SLC35G2: variants seen among roughly 807,000 people sequenced by gnomAD.
SLC35G2 encodes solute carrier family 35 member G2.
Under a neutral mutation model 27.2 loss-of-function variants are expected in SLC35G2, and 20 were observed. The observed-to-expected ratio is 0.74, with a 90% confidence interval of 0.52 to 1.07. The LOEUF (loss-of-function observed/expected upper bound fraction) is 1.07, where lower values mean the gene tolerates loss of function less well. Ranked by LOEUF, SLC35G2 falls within the 50% of genes least tolerant of loss-of-function variation. The probability of loss-of-function intolerance (pLI) is 0.00; values close to 1 mark genes in which losing one functional copy is unlikely to be tolerated. For synonymous variants in SLC35G2, 148 were observed against 165.3 expected (o/e 0.90, Z 0.80); for missense variants, 416 against 493.3 (o/e 0.84, Z 1.48).
Position 136,820,885 on chromosome 3 carries a change from T to G in SLC35G2, c.-19+1257T>G, listed in dbSNP as rs1576882520. ...TCCAGAACAAAAGTCTAGGAAGATG[T>G]AAAATTGATATTGATACCAAAAAAA... On this transcript the variant is annotated intron_variant, in intron 1 of 1. Coordinates refer to ENST00000446465, the MANE Select transcript of SLC35G2 (RefSeq NM_025246.3). Among the ~76,000 whole-genome samples the G allele has an allele frequency of 2.0e-5, 3 of 152,196 alleles. No individual in the cohort carries two copies. In the South Asian group the frequency reaches 6.2e-4, roughly 32 times the overall value.
At chr3:136,843,576 G>A (rs1178328348) in intron 1 of SLC35G2, among the ~76,000 whole-genome samples, 1 of 152,076 alleles carries the variant, frequency 6.6e-6, no homozygotes, top group Admixed American at 6.6e-5. Context: ...AGCCCAGGAG[G>A]TGGAGGTTGC....
rs751476738 is a variant in SLC35G2, at chr3:136,855,413, G to A, written c.953G>A (p.Trp318Ter). Reference protein sequence around the residue: ...EPIIPLDGETWSYLIAICVCS... With the variant: ...EPIIPLDGET ...ATCATCCCATTAGATGGAGAAACCT[G>A]GAGTTATCTCATTGCTATATGTGTC... Residue 318 changes from tryptophan (W) to a stop codon, truncating the protein, a stop_gained, in exon 2 of 2, where the codon TGG becomes TAG. Transcript: ENST00000446465. LOFTEE classifies it high-confidence loss of function. 8 of 1,614,004 alleles carry A rather than the reference G, an allele frequency of 5.0e-6. No individual in the cohort carries two copies. Among genetic ancestry groups the A allele is most frequent in the Admixed American group, 1.7e-5 (1 of 60,000 alleles).
chr3:136,843,953 A>G (rs1937231755), intron 1 of SLC35G2, among the ~76,000 whole-genome samples: 1 of 152,046 alleles, frequency 6.6e-6, no homozygotes, highest in African/African-American at 2.4e-5. Flanking sequence ...CAAAAAAATC[A>G]GAGTTCTGAG....
chr3:136,823,493 T>G (rs1023504759), intron 1 of SLC35G2, among the ~76,000 whole-genome samples: 1 of 152,242 alleles, frequency 6.6e-6, no homozygotes, highest in African/African-American at 2.4e-5. Context: ...CCCAGAACAA[T>G]GTCCTGGAGA....
At chr3:136,836,261 T>C (rs1340738383) in intron 1 of SLC35G2, among the ~76,000 whole-genome samples, 1 of 152,174 alleles carries the variant, frequency 6.6e-6, no homozygotes, top group East Asian at 1.9e-4. Context: ...TTCACCCTTA[T>C]TCTATTTGTA....
intron 1 of SLC35G2, chr3:136,842,715 T>C (rs993101985): frequency 5.3e-5 from 8 of 152,236 alleles, no homozygotes; most frequent in Admixed American, 3.9e-4. Context: ...GACCAAGTCA[T>C]TATTTTTGTT....
intron 1 of SLC35G2, among the ~76,000 whole-genome samples, chr3:136,821,574 G>A (rs1460745464): frequency 6.6e-6 from 1 of 152,122 alleles, no homozygotes; most frequent in African/African-American, 2.4e-5. Flanking sequence ...AGCCTCTTGA[G>A]TAGCTGGCCA....
At position 136,819,616 on chromosome 3, in the gene SLC35G2, A is replaced by G. The variant is rs573800263; in HGVS notation, c.-31A>G. The G allele has an allele frequency of 1.2e-4, 18 of 152,398 alleles. No homozygotes were observed. Among genetic ancestry groups the G allele is most frequent in the African/African-American group, 3.8e-4 (16 of 41,592 alleles). The allele number at this position is 152,398 out of a possible 1,614,324, so 9.4% of individuals were successfully genotyped here. A position where few individuals can be genotyped will look rare whatever the true frequency, so the allele number is the denominator to read the frequency against. On this transcript the variant is annotated 5_prime_UTR_variant, in exon 1 of 2. Transcript: ENST00000446465. ...TTGCTTTCCTCTCGCCCAGTAGCCAACCCAAGCAAGGGGTGAGTCACTGTG... is the reference window on the plus strand; with the variant it reads ...TTGCTTTCCTCTCGCCCAGTAGCCAGCCCAAGCAAGGGGTGAGTCACTGTG...
At chr3:136,853,941 A>T (rs928194061) in intron 1 of SLC35G2, among the ~76,000 whole-genome samples, 4 of 152,206 alleles carry the variant, frequency 2.6e-5, no homozygotes, top group African/African-American at 9.6e-5. Flanking sequence ...CTCAAAACTT[A>T]TGGGGAGTCC....
intron 1 of SLC35G2, among the ~76,000 whole-genome samples, chr3:136,828,135 G>T (rs1329597081): frequency 6.6e-6 from 1 of 152,272 alleles, no homozygotes; most frequent in Non-Finnish European, 1.5e-5. Flanking sequence ...CCTTTTTAAT[G>T]TTTTAAGACT....
In SLC35G2 at chr3:136,855,810, A is replaced by C; in HGVS notation, c.*111A>C. ...TATAACTGACAGAGTGCTATAAAAT[A>C]TATAATATATACAAATGCAGAAAAT... is the stretch of plus-strand genomic sequence containing the variant. On this transcript the variant is annotated 3_prime_UTR_variant, in exon 2 of 2. Transcript: ENST00000446465. 1 of 772,330 alleles carries C rather than the reference A, an allele frequency of 1.3e-6. No homozygotes were observed. The allele number at this position is 772,330 out of a possible 1,614,324, so 47.8% of individuals were successfully genotyped here. A position where few individuals can be genotyped will look rare whatever the true frequency, so the allele number is the denominator to read the frequency against.
At chr3:136,837,286 G>A (rs1936900922) in intron 1 of SLC35G2, 1 of 152,130 alleles carries the variant, frequency 6.6e-6, no homozygotes, top group Admixed American at 6.5e-5. Context: ...GTCTGTTTAT[G>A]TACAGTTTTC....
chr3:136,844,741 T>C (rs1937284577), intron 1 of SLC35G2, among the ~76,000 whole-genome samples: 2 of 134,024 alleles, frequency 1.5e-5, no homozygotes, highest in African/African-American at 5.7e-5. Flanking sequence ...GAAGTTGTAG[T>C]GAGCAGAGAT....
chr3:136,836,662 G>A (rs1437391109), intron 1 of SLC35G2, among the ~76,000 whole-genome samples: 1 of 152,202 alleles, frequency 6.6e-6, no homozygotes, highest in Non-Finnish European at 1.5e-5. Context: ...AAACTTGGGA[G>A]CATCAAGCCA....
intron 1 of SLC35G2, chr3:136,837,437 T>C (rs1936905135): frequency 6.6e-6 from 1 of 152,154 alleles, no homozygotes; most frequent in Non-Finnish European, 1.5e-5. Context: ...AGGAAATATA[T>C]ACATATATGA....
intron 1 of SLC35G2, among the ~76,000 whole-genome samples, chr3:136,847,156 G>A (rs1937419953): frequency 1.3e-5 from 2 of 151,950 alleles, no homozygotes; most frequent in African/African-American, 4.8e-5. Flanking sequence ...TAGCCTGGGC[G>A]ACAGAGTGAG....
intron 1 of SLC35G2, chr3:136,842,047 C>T (rs1937121665): frequency 6.6e-6 from 1 of 151,810 alleles, no homozygotes; most frequent in Non-Finnish European, 1.5e-5. Flanking sequence ...CAGATGATTA[C>T]TTTGAAGTAT....
chr3:136,826,742 A>G (rs145837353), intron 1 of SLC35G2, among the ~76,000 whole-genome samples: 2,580 of 152,036 alleles, frequency 0.017, 80 homozygotes, highest in African/African-American at 0.059. Flanking sequence ...GGCTCAAGCA[A>G]TCCTCCCACC....
intron 1 of SLC35G2, among the ~76,000 whole-genome samples, chr3:136,821,065 G>A (rs1936446326): frequency 6.6e-6 from 1 of 152,104 alleles, no homozygotes; most frequent in South Asian, 2.1e-4. Context: ...TTTGTGTGAA[G>A]TTCTTAAAGT....
Sources: gnomAD v4.1 joint callset for allele counts (sites outside exome capture counted in the v4.1 genomes callset) on GRCh38, gnomAD v4.1.1 for gene constraint, MANE v1.5 for transcripts, NCBI Gene and HGNC (gene_info 2026-07-23, HGNC 2026-07-21) for gene names.